Variants in AGFG1 observed in about 807,000 individuals in gnomAD.
AGFG1 encodes the protein ArfGAP with FG repeats 1, also known as arf-GAP domain and FG repeat-containing protein 1.
Under a neutral mutation model 60.6 loss-of-function variants are expected in AGFG1, and 10 were observed. The ratio of observed to expected loss-of-function variants is 0.16; its 90% CI spans 0.10 to 0.28. The LOEUF is 0.28. AGFG1 is among the 10% of genes least tolerant of loss of function. The pLI, the probability that AGFG1 is intolerant of heterozygous loss-of-function variation, is 1.00. For missense variants in AGFG1, 537 were observed against 676.5 expected, an observed-to-expected ratio of 0.79 and a Z score of 2.29; for synonymous variants, 247 against 242.9, an observed-to-expected ratio of 1.02 and a Z score of -0.16.
At position 227,557,289 on chromosome 2, in the gene AGFG1, G is replaced by A. The variant is rs1693000197; in HGVS notation, c.*2794G>A. 1 of 152,034 alleles carries A rather than the reference G, an allele frequency of 6.6e-6. No individual in the cohort carries two copies. The highest frequency in any genetic ancestry group is 2.4e-5 in the African/African-American group (1 of 41,394). 9.4% of individuals were successfully genotyped at this position (152,034 alleles called of 1,614,324 possible). ...AAATAGAGAATATTTTATTATTTTT[G>A]TGAAAATAGAGTTTTGGTAATCACT... On this transcript the variant is annotated 3_prime_UTR_variant, in exon 13 of 13. Transcript: ENST00000310078.
chr2:227,485,165 G>A (rs930532352), intron 1 of AGFG1, among the ~76,000 whole-genome samples: 7 of 151,568 alleles, frequency 4.6e-5, no homozygotes, highest in African/African-American at 1.7e-4. Flanking sequence ...TCTACTACGA[G>A]CCAAATTTTG....
chr2:227,518,839 T>C (rs190406695), intron 2 of AGFG1, among the ~76,000 whole-genome samples: 281 of 152,286 alleles, frequency 1.8e-3, no homozygotes, highest in African/African-American at 6.3e-3. Flanking sequence ...GCTGCTGATA[T>C]CTTTGGTGAA....
intron 1 of AGFG1, among the ~76,000 whole-genome samples, chr2:227,486,199 G>A (rs774079521): frequency 2.6e-5 from 4 of 152,120 alleles, no homozygotes; most frequent in Non-Finnish European, 4.4e-5. Context: ...TGCTTCTTGT[G>A]TATAACATGG....
intron 2 of AGFG1, among the ~76,000 whole-genome samples, chr2:227,496,162 G>T (rs959885871): frequency 6.6e-6 from 1 of 150,712 alleles, no homozygotes; most frequent in Non-Finnish European, 1.5e-5. Context: ...TGCTCCACAG[G>T]CATGGTCTAT....
At chr2:227,521,923 G>C (rs1691838738) in intron 3 of AGFG1, among the ~76,000 whole-genome samples, 1 of 152,130 alleles carries the variant, frequency 6.6e-6, no homozygotes, top group African/African-American at 2.4e-5. Context: ...ACTTCAAGTG[G>C]TGGGACAGGT....
intron 5 of AGFG1, among the ~76,000 whole-genome samples, chr2:227,527,663 T>C (rs568513360): frequency 6.6e-6 from 1 of 152,338 alleles, no homozygotes; most frequent in African/African-American, 2.4e-5. Context: ...AGTCTGCATT[T>C]TGAGTGATTA....
intron 1 of AGFG1, among the ~76,000 whole-genome samples, chr2:227,484,677 GTTTTTTTTTTGTTTTTTTTTTTTTTTTTT>G (rs1690568716): frequency 8.6e-6 from 1 of 115,908 alleles, no homozygotes; most frequent in Non-Finnish European, 1.7e-5. Flanking sequence ...AGATCTCTTA[GTTTTTTTTTTGTTTTTTTTTTTTTTTTTT>G]TTTTTTTTTT....
At chr2:227,523,723 C>T in intron 3 of AGFG1, 40 bp from the exon 4 acceptor site, 1 of 1,573,340 alleles carries the variant, frequency 6.4e-7, no homozygotes, top group East Asian at 2.3e-5. Flanking sequence ...ATAGAATTAC[C>T]TACATTTTTT....
chr2:227,526,183 T>C (rs1293588760), intron 5 of AGFG1, among the ~76,000 whole-genome samples: 1 of 152,262 alleles, frequency 6.6e-6, no homozygotes, highest in East Asian at 1.9e-4. Flanking sequence ...GGTTGGTTCC[T>C]ATAGATACAA....
chr2:227,482,766 C>T (rs772655099), intron 1 of AGFG1, among the ~76,000 whole-genome samples: 9 of 152,194 alleles, frequency 5.9e-5, no homozygotes, highest in Non-Finnish European at 1.0e-4. Context: ...TAGTTAAGAG[C>T]AGCACACTGA....
chr2:227,479,234 G>A (rs1230328613), intron 1 of AGFG1, among the ~76,000 whole-genome samples: 2 of 152,172 alleles, frequency 1.3e-5, no homozygotes, highest in African/African-American at 4.8e-5. Flanking sequence ...CAGCATTCAG[G>A]TTGTGGTGAC....
intron 10 of AGFG1, chr2:227,550,214 C>T: frequency 3.3e-6 from 1 of 299,452 alleles, no homozygotes; most frequent in South Asian, 2.9e-5. Context: ...AGTTTTTTTC[C>T]ATGTTTTAAA....
At chr2:227,550,507 A>G (rs1692787034) in intron 10 of AGFG1, among the ~76,000 whole-genome samples, 3 of 151,982 alleles carry the variant, frequency 2.0e-5, no homozygotes, top group African/African-American at 7.2e-5. Context: ...TCTTAAAGTG[A>G]TTTGTCAAAG....
intron 10 of AGFG1, among the ~76,000 whole-genome samples, chr2:227,541,179 G>A (rs1031555521): frequency 5.3e-5 from 8 of 152,130 alleles, no homozygotes; most frequent in African/African-American, 1.7e-4. Flanking sequence ...CTTTTGCTGT[G>A]CAGAAGCTCT....
At position 227,472,332 on chromosome 2, in the gene AGFG1, G is replaced by A. The variant is rs957129081; in HGVS notation, c.-90G>A. 4.6e-6 allele frequency: 4 copies of A among 863,756 alleles called. No individual in the cohort carries two copies. In the African/African-American group the frequency reaches 7.4e-5, roughly 16 times the overall value. 53.5% of individuals were successfully genotyped at this position (863,756 alleles called of 1,614,324 possible). ...CGCGCGCAGACGGAGGGCGGCGGCCGCGGCCAGGGCGGCCCGTGGGACCGC... is the reference window on the plus strand; with the variant it reads ...CGCGCGCAGACGGAGGGCGGCGGCCACGGCCAGGGCGGCCCGTGGGACCGC... On this transcript the variant is annotated 5_prime_UTR_variant, in exon 1 of 13. Transcript: ENST00000310078.
intron 10 of AGFG1, among the ~76,000 whole-genome samples, chr2:227,537,960 A>G (rs1015024888): frequency 1.3e-5 from 2 of 152,190 alleles, no homozygotes; most frequent in Non-Finnish European, 2.9e-5. Context: ...TTTCACATAA[A>G]TGTCTTCACT....
At position 227,523,727 on chromosome 2, in the gene AGFG1, A is replaced by T. The variant is rs753438484; in HGVS notation, c.378-36A>T. The T allele has an allele frequency of 9.0e-6, 14 of 1,553,388 alleles. No homozygotes were observed. In the Admixed American group the frequency reaches 1.2e-4, roughly 14 times the overall value. On this transcript the variant is annotated intron_variant, in intron 3 of 12. Transcript: ENST00000310078. Reference sequence around the variant, plus strand: ...CATTTTTTGATATAGAATTACCTACATTTTTTTTTAGTTAACTGTTTTTTA... The same window carrying T: ...CATTTTTTGATATAGAATTACCTACTTTTTTTTTTAGTTAACTGTTTTTTA...
intron 2 of AGFG1, among the ~76,000 whole-genome samples, chr2:227,517,179 C>T (rs1207758315): frequency 6.6e-6 from 1 of 152,164 alleles, no homozygotes; most frequent in East Asian, 1.9e-4. Flanking sequence ...TTGTGCCTTA[C>T]TCTAGTTCTC....
Position 227,496,552 on chromosome 2 carries a change from C to A in AGFG1, c.261+4912C>A, listed in dbSNP as rs539026102. 2.0e-5 allele frequency among the ~76,000 whole-genome samples: 3 copies of A among 152,254 alleles called. 1 individual carries two copies. In the East Asian group the frequency reaches 5.8e-4, roughly 29 times the overall value. ...TCCTCCCCTTGCAGTCTTCTACATG[C>A]AGGAGACATAATAAAAGTACAGTGG... On this transcript the variant is annotated intron_variant, in intron 2 of 12. Coordinates refer to ENST00000310078, the MANE Select transcript of AGFG1 (RefSeq NM_004504.5).
Sources: gnomAD v4.1 joint callset for allele counts (sites outside exome capture counted in the v4.1 genomes callset) on GRCh38, gnomAD v4.1.1 for gene constraint, MANE v1.5 for transcripts, NCBI Gene and HGNC (gene_info 2026-07-23, HGNC 2026-07-21) for gene names.